Variants in SLC23A3 observed in about 807,000 individuals in gnomAD.
SLC23A3 encodes solute carrier family 23 member 3, also known as E2-binding protein 3.
Under a neutral mutation model 64.7 loss-of-function variants are expected in SLC23A3, and 41 were observed. That is an observed-to-expected ratio of 0.63 (90% CI 0.49 to 0.82). The LOEUF is 0.82. SLC23A3 is among the 40% of genes least tolerant of loss of function. The pLI is 0.00. For missense variants in SLC23A3, 647 were observed against 733.4 expected (o/e 0.88, Z 1.36); for synonymous variants, 281 against 306.8 (o/e 0.92, Z 0.88).
rs557270814 is a variant in SLC23A3, at chr2:219,163,695, T to C, written c.1274-140A>G. 10 of 858,784 alleles carry C rather than the reference T, an allele frequency of 1.2e-5. No homozygotes were observed. The Admixed American group carries it at 1.7e-4, about 14-fold the overall frequency. The allele number at this position is 858,784 out of a possible 1,614,324, so 53.2% of individuals were successfully genotyped here. ...GATTTTTGTTTTTTTTGTTTTTTTG[T>C]TTTTTTGGTTTTTTTTTGAGAGCAA... On this transcript the variant is annotated intron_variant, in intron 9 of 11. Transcript: ENST00000409878.
Position 219,168,675 on chromosome 2 carries a change from G to A in SLC23A3, c.651C>T (p.Phe217=). ...SAHREVAQFC[F]THWGLALLVI... ...ACAGCAAGGCCAACCCCCAGTGTGT[G>A]AAGCAGAACTGGGCTACCTCCCTGT... Residue 217 remains phenylalanine (F), a synonymous_variant, in exon 5 of 12, where the codon TTC becomes TTT. Coordinates refer to ENST00000409878, the MANE Select transcript of SLC23A3 (RefSeq NM_001144889.2). 1 of 1,613,884 alleles carries A rather than the reference G, an allele frequency of 6.2e-7. No individual in the cohort carries two copies. Among genetic ancestry groups the A allele is most frequent in the East Asian group, 2.2e-5 (1 of 44,874 alleles).
At chr2:219,168,112 C>T (rs1292124979) in intron 6 of SLC23A3, 68 bp from the exon 7 acceptor site, 7 of 1,577,708 alleles carry the variant, frequency 4.4e-6, no homozygotes, top group Non-Finnish European at 6.0e-6. Context: ...CAGGGGTAGA[C>T]AGAAGCCAAA....
chr2:219,168,562 G>T, intron 5 of SLC23A3, 90 bp downstream of exon 5: 1 of 1,332,218 alleles, frequency 7.5e-7, no homozygotes, highest in Non-Finnish European at 1.0e-6. Flanking sequence ...AGTCGCTGCT[G>T]AATCTGATAG....
At position 219,161,531 on chromosome 2, in the gene SLC23A3, A is replaced by C. The variant is rs1218755065; in HGVS notation, c.*378T>G. 6.0e-6 allele frequency: 1 copy of C among 166,826 alleles called. No homozygotes were observed. The highest frequency in any genetic ancestry group is 1.3e-5 in the Non-Finnish European group (1 of 78,382). The allele number at this position is 166,826 out of a possible 1,614,324, so 10.3% of individuals were successfully genotyped here. A position where few individuals can be genotyped will look rare whatever the true frequency, so the allele number is the denominator to read the frequency against. ...TTTCTGCTTTGCATTTTCGTTAGTA[A>C]TTACAAAGGTCTTTTTAAACCGTAA... On this transcript the variant is annotated 3_prime_UTR_variant, in exon 12 of 12. Coordinates refer to ENST00000409878, the MANE Select transcript of SLC23A3 (RefSeq NM_001144889.2).
rs1949946917 is a variant in SLC23A3 at position 219,161,938 on chromosome 2, T to C, written c.1804A>G (p.Ser602Gly). 2 of 1,591,842 alleles carry C rather than the reference T, an allele frequency of 1.3e-6. No homozygotes were observed. The highest frequency in any genetic ancestry group is 1.4e-5 in the African/African-American group (1 of 73,844). The change falls in exon 12 of 12, where the codon AGC becomes GGC. Residue 602 changes from serine (S) to glycine (G), a missense_variant. Coordinates refer to ENST00000409878, the MANE Select transcript of SLC23A3 (RefSeq NM_001144889.2). ...PGSGEPCPES[S>G]REGFRSQK ...TTCTGGGACCTAAACCCTTCTCTGC[T>C]AGATTCAGGGCATGGCTCCCCTGAG...
At chr2:219,168,382 G>A in intron 5 of SLC23A3, 64 bp from the exon 6 acceptor site, 2 of 1,491,790 alleles carry the variant, frequency 1.3e-6, no homozygotes, top group Non-Finnish European at 1.8e-6. Flanking sequence ...GAAAGGAGGT[G>A]GGAGTGGGCA....
At chr2:219,166,132 CAA>C (rs35073041) in intron 7 of SLC23A3, among the ~76,000 whole-genome samples, 160 of 143,046 alleles carry the variant, frequency 1.1e-3, no homozygotes, top group Non-Finnish European at 1.1e-3. Context: ...AACTCCATTT[CAA>C]AAAAAAAAAA....
intron 7 of SLC23A3, 57 bp from the exon 8 acceptor site, chr2:219,165,479 C>G: frequency 1.3e-6 from 2 of 1,507,526 alleles, no homozygotes; most frequent in South Asian, 2.6e-5. Context: ...GTACCCCCTG[C>G]CTCCAACAGC....
At chr2:219,167,838 A>G (rs968367903) in intron 7 of SLC23A3, 92 bp downstream of exon 7, 1 of 1,024,560 alleles carries the variant, frequency 9.8e-7, no homozygotes, top group African/African-American at 1.6e-5. Flanking sequence ...AAAACACAGG[A>G]TTTAACTCAG....
rs1260598547 is a variant in SLC23A3 at position 219,161,906 on chromosome 2, T to C, written c.*3A>G. 1.3e-6 allele frequency: 2 copies of C among 1,538,270 alleles called. No homozygotes were observed. The highest frequency in any genetic ancestry group is 2.8e-5 in the African/African-American group (2 of 72,136). On this transcript the variant is annotated 3_prime_UTR_variant, in exon 12 of 12. Coordinates refer to ENST00000409878, the MANE Select transcript of SLC23A3 (RefSeq NM_001144889.2). ...TTAACCAGGGCAGAAGTAGGCGTTCTGGTCATTTCTGGGACCTAAACCCTT... is the reference window on the plus strand; with the variant it reads ...TTAACCAGGGCAGAAGTAGGCGTTCCGGTCATTTCTGGGACCTAAACCCTT...
At chr2:219,164,439 T>C (rs1020651210) in intron 8 of SLC23A3, 101 bp from the exon 9 acceptor site, 5 of 766,454 alleles carry the variant, frequency 6.5e-6, no homozygotes, top group Non-Finnish European at 1.1e-5. Context: ...CCAGCTCAAA[T>C]GTTACTCTTC....
chr2:219,167,310 C>T (rs1950013043), intron 7 of SLC23A3, among the ~76,000 whole-genome samples: 1 of 152,172 alleles, frequency 6.6e-6, no homozygotes, highest in Non-Finnish European at 1.5e-5. Context: ...ATTTCACATA[C>T]AATGCCTCAA....
At chr2:219,168,984 C>A (rs757989106) in intron 4 of SLC23A3, 45 bp downstream of exon 4, 27 of 1,591,670 alleles carry the variant, frequency 1.7e-5, no homozygotes, top group Middle Eastern at 1.7e-4. Flanking sequence ...GAGCCCCCCC[C>A]AAGCCTGGCA....
chr2:219,166,982 A>T (rs1351160300), intron 7 of SLC23A3, among the ~76,000 whole-genome samples: 1 of 152,226 alleles, frequency 6.6e-6, no homozygotes, highest in Non-Finnish European at 1.5e-5. Flanking sequence ...TGTTTCTGTC[A>T]TGTTCATCAC....
In SLC23A3 at chr2:219,170,005, G is replaced by C. The variant is rs2106380915; in HGVS notation, c.-21C>G. The C allele has an allele frequency of 6.2e-7, 1 of 1,612,392 alleles. No individual in the cohort carries two copies. The highest frequency in any genetic ancestry group is 1.3e-5 in the African/African-American group (1 of 74,986). ...CTCATGCTGCCTTGCCTTTCGCTTT[G>C]TCTTGGCTGCCCGGGACCAGAGTTA... On this transcript the variant is annotated 5_prime_UTR_variant, in exon 1 of 12. Transcript: ENST00000409878.
chr2:219,162,268 C>G, intron 11 of SLC23A3, 31 bp downstream of exon 11: 1 of 1,613,808 alleles, frequency 6.2e-7, no homozygotes, highest in Non-Finnish European at 8.5e-7. Flanking sequence ...CTGGCCACTC[C>G]CCAGTCTGCT....
Position 219,169,707 on chromosome 2 carries a change from C to T in SLC23A3, c.163-29G>A, listed in dbSNP as rs771899856. On this transcript the variant is annotated intron_variant, in intron 1 of 11. Transcript: ENST00000409878. This position sits in a 1 kb window ranked among gnomAD's most constrained non-coding sequence, Gnocchi z 4.5. ...CAGGTGGAGGAATGGGGAGGGCAGT[C>T]TTCAGAGAAGTGGAAATACCTACAA... 1.2e-6 allele frequency: 2 copies of T among 1,613,578 alleles called. No homozygotes were observed. The highest frequency in any genetic ancestry group is 4.5e-5 in the East Asian group (2 of 44,874).
intron 6 of SLC23A3, 66 bp downstream of exon 6, chr2:219,168,129 G>C: frequency 1.9e-6 from 3 of 1,592,030 alleles, no homozygotes; most frequent in Non-Finnish European, 2.6e-6. Flanking sequence ...CAAAAGGTAG[G>C]GGATGGAGTG....
At chr2:219,164,978 G>A in intron 8 of SLC23A3, 191 bp downstream of exon 8, 1 of 696,520 alleles carries the variant, frequency 1.4e-6, no homozygotes, top group Non-Finnish European at 2.3e-6. Context: ...AGTGCCTCAT[G>A]CACAGGAGTT....
Sources: allele counts gnomAD v4.1 joint callset (sites outside exome capture counted in the v4.1 genomes callset), GRCh38; gene constraint gnomAD v4.1.1; non-coding constraint Gnocchi (gnomAD v3.1); transcripts MANE v1.5; gene names NCBI Gene and HGNC (gene_info 2026-07-23, HGNC 2026-07-21).